RAB3C: variants seen among roughly 807,000 people sequenced by gnomAD.
RAB3C encodes the protein RAB3C, member RAS oncogene family.
A neutral mutation model predicts 26.4 loss-of-function variants in RAB3C; 17 were observed. The observed-to-expected ratio is 0.64, with a 90% CI of 0.44 to 0.97. The LOEUF (loss-of-function observed/expected upper bound fraction) is 0.97, where lower values mean the gene tolerates loss of function less well. Ranked by LOEUF, RAB3C falls within the 50% of genes least tolerant of loss-of-function variation. The probability of loss-of-function intolerance (pLI) is 0.00; values close to 1 mark genes in which losing one functional copy is unlikely to be tolerated. For synonymous variants in RAB3C, 91 were observed against 95.9 expected (o/e 0.95, Z 0.30); for missense variants, 242 against 281.9 (o/e 0.86, Z 1.01).
intron 2 of RAB3C, among the ~76,000 whole-genome samples, chr5:58,688,997 T>C (rs1371758817): frequency 6.6e-6 from 1 of 152,130 alleles, no homozygotes; most frequent in Admixed American, 6.6e-5. Context: ...TTTTACTCTG[T>C]GCCAGGTATT....
intron 2 of RAB3C, among the ~76,000 whole-genome samples, chr5:58,695,885 T>C (rs1332006208): frequency 6.6e-6 from 1 of 152,216 alleles, no homozygotes; most frequent in Non-Finnish European, 1.5e-5. Flanking sequence ...CAATTTTACT[T>C]CCTCATTTCC....
intron 3 of RAB3C, among the ~76,000 whole-genome samples, chr5:58,797,367 T>A (rs1022557126): frequency 0.39 from 15,473 of 40,036 alleles, 2,469 homozygotes; most frequent in East Asian, 0.55. Context: ...TGTATATATA[T>A]AATATATATA....
chr5:58,641,806 C>T (rs971574566), intron 2 of RAB3C, among the ~76,000 whole-genome samples: 4 of 152,208 alleles, frequency 2.6e-5, no homozygotes, highest in Non-Finnish European at 5.9e-5. Flanking sequence ...GCCGCTGTCT[C>T]CAATGTCAGC....
chr5:58,721,446 G>A (rs975507306), intron 2 of RAB3C, among the ~76,000 whole-genome samples: 1 of 151,626 alleles, frequency 6.6e-6, no homozygotes, highest in Non-Finnish European at 1.5e-5. Context: ...ACAACACAAA[G>A]CCAGGATTTT....
chr5:58,616,766 G>A (rs1381915015), intron 1 of RAB3C, among the ~76,000 whole-genome samples: 1 of 152,122 alleles, frequency 6.6e-6, no homozygotes, highest in Non-Finnish European at 1.5e-5. Flanking sequence ...AGTAAAGAGT[G>A]GAGCCAAGTT....
rs527283800 is a variant in RAB3C, at chr5:58,676,792, G to C, written c.253-49210G>C. Among the ~76,000 whole-genome samples the C allele has an allele frequency of 7.9e-5, 12 of 151,970 alleles. 1 individual carries two copies. Among genetic ancestry groups the C allele is most frequent in the African/African-American group, 7.3e-5 (3 of 41,374 alleles). ...TGTTTGTTTTGTTTTACATTGTTTTGTTTTGTTTTCCTTTGTCATGCAGAC... is the reference window on the plus strand; with the variant it reads ...TGTTTGTTTTGTTTTACATTGTTTTCTTTTGTTTTCCTTTGTCATGCAGAC... On this transcript the variant is annotated intron_variant, in intron 2 of 4. Transcript: ENST00000282878.
intron 3 of RAB3C, among the ~76,000 whole-genome samples, chr5:58,761,348 T>C (rs1368875727): frequency 2.0e-5 from 3 of 152,230 alleles, no homozygotes; most frequent in African/African-American, 7.2e-5. Context: ...AATGTGTTCT[T>C]TCTTTACAAA....
intron 3 of RAB3C, among the ~76,000 whole-genome samples, chr5:58,749,398 G>T (rs1362659402): frequency 6.6e-6 from 1 of 152,148 alleles, no homozygotes; most frequent in East Asian, 1.9e-4. Flanking sequence ...CCTTGGGAAT[G>T]AAAATTGATT....
At chr5:58,766,775 C>T (rs1741916640) in intron 3 of RAB3C, among the ~76,000 whole-genome samples, 2 of 152,094 alleles carry the variant, frequency 1.3e-5, no homozygotes, top group Non-Finnish European at 2.9e-5. Context: ...GGTGCAGGGG[C>T]ACAAAGGCAC....
intron 2 of RAB3C, among the ~76,000 whole-genome samples, chr5:58,628,152 G>A (rs1443530221): frequency 1.2e-3 from 69 of 55,662 alleles, no homozygotes; most frequent in African/African-American, 5.9e-3. Flanking sequence ...GCAAGACTCC[G>A]TCTCAAAAAA....
rs191498988 is a variant in RAB3C, at chr5:58,805,097, C to T, written c.372-19941C>T. On this transcript the variant is annotated intron_variant, in intron 3 of 4. Transcript: ENST00000282878. ...TCATTTTCACCAAAGTGTACTCATT[C>T]ATTCATTCATTTATTCAATTATAAA... 5.8e-4 allele frequency among the ~76,000 whole-genome samples: 88 copies of T among 152,104 alleles called. 1 individual carries two copies. The highest frequency in any genetic ancestry group is 1.7e-3 in the Admixed American group (26 of 15,272).
At chr5:58,735,327 A>G (rs1741109980) in intron 3 of RAB3C, among the ~76,000 whole-genome samples, 2 of 152,214 alleles carry the variant, frequency 1.3e-5, no homozygotes. Context: ...CATGTCTGCA[A>G]CTATCCATGA....
chr5:58,818,568 C>A (rs182511975), intron 3 of RAB3C, among the ~76,000 whole-genome samples: 9 of 152,308 alleles, frequency 5.9e-5, no homozygotes, highest in African/African-American at 1.4e-4. Context: ...TATGATCTGG[C>A]ACTGGTAAGG....
intron 2 of RAB3C, among the ~76,000 whole-genome samples, chr5:58,653,098 G>T (rs1747693019): frequency 6.6e-6 from 1 of 152,114 alleles, no homozygotes; most frequent in Non-Finnish European, 1.5e-5. Context: ...TAATGTAGAT[G>T]TTTCTCCTAA....
intron 2 of RAB3C, among the ~76,000 whole-genome samples, chr5:58,674,580 A>G (rs1398535516): frequency 6.6e-6 from 1 of 152,254 alleles, no homozygotes; most frequent in Non-Finnish European, 1.5e-5. Context: ...CTGTTCAACT[A>G]CAAATGGAGT....
intron 3 of RAB3C, among the ~76,000 whole-genome samples, chr5:58,738,952 C>G (rs1399429887): frequency 6.6e-6 from 1 of 152,092 alleles, no homozygotes; most frequent in Non-Finnish European, 1.5e-5. Context: ...ATAATTACAC[C>G]TGTCACATAA....
chr5:58,660,432 G>C (rs1471543737), intron 2 of RAB3C, among the ~76,000 whole-genome samples: 1 of 150,144 alleles, frequency 6.7e-6, no homozygotes, highest in Non-Finnish European at 1.5e-5. Context: ...AACAACATGA[G>C]AGGACGACGT....
At chr5:58,625,716 G>T (rs963951612) in intron 2 of RAB3C, among the ~76,000 whole-genome samples, 2 of 152,042 alleles carry the variant, frequency 1.3e-5, no homozygotes, top group African/African-American at 4.8e-5. Context: ...AATTAGCCGG[G>T]TGTTGTGGTG....
intron 2 of RAB3C, among the ~76,000 whole-genome samples, chr5:58,629,171 A>T (rs981734807): frequency 1.3e-5 from 2 of 151,832 alleles, no homozygotes; most frequent in African/African-American, 4.8e-5. Flanking sequence ...AGATTTTTTT[A>T]AATTTTTTTT....
Sources: allele counts gnomAD v4.1 joint callset (sites outside exome capture counted in the v4.1 genomes callset), GRCh38; gene constraint gnomAD v4.1.1; transcripts MANE v1.5; gene names NCBI Gene and HGNC (gene_info 2026-07-23, HGNC 2026-07-21).